The following TENT4B variants were observed in gnomAD, a reference collection of about 807,000 sequenced individuals.
TENT4B encodes terminal nucleotidyltransferase 4B, also known as PAP associated domain containing 5.
A neutral mutation model predicts 75.0 loss-of-function variants in TENT4B; 10 were observed. The observed-to-expected ratio is 0.13, with a 90% confidence interval of 0.08 to 0.23. The LOEUF (loss-of-function observed/expected upper bound fraction) is 0.23, where lower values mean the gene tolerates loss of function less well. Ranked by LOEUF, TENT4B falls within the 10% of genes least tolerant of loss-of-function variation. The pLI, the probability that TENT4B is intolerant of heterozygous loss-of-function variation, is 1.00. For synonymous variants in TENT4B, 350 were observed against 357.7 expected, an observed-to-expected ratio of 0.98 and a Z score of 0.24; for missense variants, 579 against 893.8, an observed-to-expected ratio of 0.65 and a Z score of 4.49.
In TENT4B at chr16:50,204,424, G is replaced by A. The variant is rs192594777; in HGVS notation, c.639-6899G>A. Among the ~76,000 whole-genome samples the A allele has an allele frequency of 1.9e-3, 287 of 152,284 alleles. 2 individuals carry two copies. Among genetic ancestry groups the A allele is most frequent in the African/African-American group, 6.0e-3 (250 of 41,562 alleles). Reference sequence around the variant, plus strand: ...CTCAAGGAAACAGTAACTCAGGGAAGAAAACACAGGAGTAGGAATAGGTTT... The same window carrying A: ...CTCAAGGAAACAGTAACTCAGGGAAAAAAACACAGGAGTAGGAATAGGTTT... On this transcript the variant is annotated intron_variant, in intron 1 of 11. Transcript: ENST00000561678.
intron 1 of TENT4B, among the ~76,000 whole-genome samples, chr16:50,157,081 C>T (rs2037915799): frequency 6.6e-6 from 1 of 152,124 alleles, no homozygotes; most frequent in Admixed American, 6.6e-5. Flanking sequence ...AAAACTGTTA[C>T]CATTGTTTTC....
At chr16:50,212,294 G>A (rs965841482) in intron 2 of TENT4B, among the ~76,000 whole-genome samples, 9 of 152,098 alleles carry the variant, frequency 5.9e-5, no homozygotes, top group African/African-American at 1.9e-4. Flanking sequence ...CTGGGTTCAA[G>A]CAATGTGCCC....
chr16:50,210,193 G>A lies in TENT4B; in HGVS notation c.639-1130G>A, dbSNP rs114470429. On this transcript the variant is annotated intron_variant, in intron 1 of 11. Coordinates refer to ENST00000561678, the MANE Select transcript of TENT4B (RefSeq NM_001365324.3). ...GTGGTCAGTGCTCTAGGGAAGGTGA[G>A]CTGACCACTTCACTTTCCCTTCCCA... Among the ~76,000 whole-genome samples the A allele has an allele frequency of 5.7e-3, 867 of 152,340 alleles. 10 individuals are homozygous for A. The highest frequency in any genetic ancestry group is 0.019 in the African/African-American group (800 of 41,580).
At chr16:50,155,843 C>G (rs1218717006) in intron 1 of TENT4B, among the ~76,000 whole-genome samples, 1 of 152,104 alleles carries the variant, frequency 6.6e-6, no homozygotes, top group Non-Finnish European at 1.5e-5. Flanking sequence ...GGAGTAAGCT[C>G]CAGTTAGGTA....
intron 1 of TENT4B, among the ~76,000 whole-genome samples, chr16:50,194,578 T>A (rs1178097771): frequency 6.6e-6 from 1 of 151,816 alleles, no homozygotes; most frequent in Non-Finnish European, 1.5e-5. Flanking sequence ...TGAGACAGGG[T>A]CTTGCTCTGT....
At position 50,229,839 on chromosome 16, in the gene TENT4B, GAC is replaced by G; in HGVS notation, c.*512_*513del. 3.3e-6 allele frequency: 3 copies of G among 906,362 alleles called. No homozygotes were observed. The highest frequency in any genetic ancestry group is 4.0e-6 in the Non-Finnish European group (3 of 758,060). 56.1% of individuals were successfully genotyped at this position (906,362 alleles called of 1,614,324 possible). The stretch of plus-strand genomic sequence containing the variant: ...CATTTTATTGTGTGTATATATAGAA[GAC>G]CATATAGGAGATTGATATTTGTAAT... On this transcript the variant is annotated 3_prime_UTR_variant, in exon 12 of 12. Coordinates refer to ENST00000561678, the MANE Select transcript of TENT4B (RefSeq NM_001365324.3).
chr16:50,181,328 T>C (rs1288457880), intron 1 of TENT4B, among the ~76,000 whole-genome samples: 2 of 130,156 alleles, frequency 1.5e-5, no homozygotes, highest in Non-Finnish European at 3.5e-5. Context: ...GGATTTGAAC[T>C]TTTTTTTTTT....
chr16:50,213,041 G>A lies in TENT4B; in HGVS notation c.763-1180G>A, dbSNP rs549352039. ...TTCCCAGGTCCATCTCGCCTCAGAGGTTGAACTGGTTTCACTGTTTATCAT... is the reference window on the plus strand; with the variant it reads ...TTCCCAGGTCCATCTCGCCTCAGAGATTGAACTGGTTTCACTGTTTATCAT... On this transcript the variant is annotated intron_variant, in intron 2 of 11. Coordinates refer to ENST00000561678, the MANE Select transcript of TENT4B (RefSeq NM_001365324.3). Among the ~76,000 whole-genome samples the A allele has an allele frequency of 3.3e-5, 5 of 152,156 alleles. No homozygotes were observed. In the South Asian group the frequency reaches 6.2e-4, roughly 19 times the overall value.
At chr16:50,200,490 G>C (rs1472381072) in intron 1 of TENT4B, among the ~76,000 whole-genome samples, 2 of 152,262 alleles carry the variant, frequency 1.3e-5, no homozygotes, top group African/African-American at 4.8e-5. Flanking sequence ...GCGCCATTTT[G>C]CATTCCTACC....
chr16:50,157,815 G>A (rs548392395), intron 1 of TENT4B, among the ~76,000 whole-genome samples: 1 of 151,736 alleles, frequency 6.6e-6, no homozygotes, highest in South Asian at 2.1e-4. Context: ...GCTCAGGCTG[G>A]AGTGCAGTGT....
intron 11 of TENT4B, 51 bp from the exon 12 acceptor site, chr16:50,229,101 T>C: frequency 1.9e-6 from 3 of 1,594,172 alleles, no homozygotes; most frequent in Non-Finnish European, 2.6e-6. Flanking sequence ...TTGAGAACAC[T>C]CTGCTTTTCT....
At chr16:50,213,056 C>G (rs1429221519) in intron 2 of TENT4B, among the ~76,000 whole-genome samples, 1 of 151,962 alleles carries the variant, frequency 6.6e-6, no homozygotes, top group East Asian at 1.9e-4. Flanking sequence ...ACTGGTTTCA[C>G]TGTTTATCAT....
At chr16:50,224,593 C>T in intron 7 of TENT4B, 64 bp from the exon 8 acceptor site, 1 of 1,593,022 alleles carries the variant, frequency 6.3e-7, no homozygotes, top group Non-Finnish European at 8.6e-7. Flanking sequence ...GGAAGAGAGT[C>T]ATCAACATTT....
intron 5 of TENT4B, among the ~76,000 whole-genome samples, chr16:50,218,515 G>A (rs564184109): frequency 6.6e-6 from 1 of 151,948 alleles, no homozygotes; most frequent in African/African-American, 2.4e-5. Flanking sequence ...CACCATGCCT[G>A]GCTAATTTTT....
intron 10 of TENT4B, among the ~76,000 whole-genome samples, chr16:50,227,586 C>T (rs2032112092): frequency 6.6e-6 from 1 of 152,172 alleles, no homozygotes; most frequent in Non-Finnish European, 1.5e-5. Flanking sequence ...TAAACTTAGA[C>T]CTCTGTGAGC....
At chr16:50,180,725 A>AT (rs2038398380) in intron 1 of TENT4B, among the ~76,000 whole-genome samples, 1 of 151,554 alleles carries the variant, frequency 6.6e-6, no homozygotes, top group South Asian at 2.1e-4. Flanking sequence ...AAAAAAAAAA[A>AT]TCGTATGCAG....
Position 50,231,437 on chromosome 16 carries a change from TTTA to T in TENT4B, c.*2110_*2112del. 1 of 985,504 alleles carries T rather than the reference TTTA, an allele frequency of 1.0e-6. No individual in the cohort carries two copies. Among genetic ancestry groups the T allele is most frequent in the South Asian group, 4.7e-5 (1 of 21,276 alleles). The allele number at this position is 985,504 out of a possible 1,614,324, so 61.0% of individuals were successfully genotyped here. ...AATACTTGCAGAGATCTATGTTACA[TTTA>T]CCACACTGAAGTTTTTTTTGTTGTT... On this transcript the variant is annotated 3_prime_UTR_variant, in exon 12 of 12. Coordinates refer to ENST00000561678, the MANE Select transcript of TENT4B (RefSeq NM_001365324.3).
intron 1 of TENT4B, among the ~76,000 whole-genome samples, chr16:50,192,541 A>G (rs767654956): frequency 6.6e-6 from 1 of 152,194 alleles, no homozygotes; most frequent in South Asian, 2.1e-4. Flanking sequence ...TGACCTATCA[A>G]GTTACTGTTG....
At position 50,231,622 on chromosome 16, in the gene TENT4B, A is replaced by G; in HGVS notation, c.*2294A>G. 1.0e-6 allele frequency: 1 copy of G among 985,846 alleles called. No individual in the cohort carries two copies. Among genetic ancestry groups the G allele is most frequent in the Non-Finnish European group, 1.2e-6 (1 of 829,908 alleles). 61.1% of individuals were successfully genotyped at this position (985,846 alleles called of 1,614,324 possible). A position where few individuals can be genotyped will look rare whatever the true frequency, so the allele number is the denominator to read the frequency against. ...GGGAATCTTAGGTTTTCGTAAATTT[A>G]TTGGGAAAATAGTTTTTCCTGTACT... On this transcript the variant is annotated 3_prime_UTR_variant, in exon 12 of 12. Transcript: ENST00000561678.
Sources: gnomAD v4.1 joint callset for allele counts (sites outside exome capture counted in the v4.1 genomes callset) on GRCh38, gnomAD v4.1.1 for gene constraint, MANE v1.5 for transcripts, NCBI Gene and HGNC (gene_info 2026-07-23, HGNC 2026-07-21) for gene names.